The following NEGR1 variants were observed in gnomAD, a reference collection of about 807,000 sequenced individuals.
NEGR1 encodes the protein neuronal growth regulator 1.
Under a neutral mutation model 40.9 loss-of-function variants are expected in NEGR1, and 10 were observed. The observed-to-expected ratio is 0.24, with a 90% CI of 0.15 to 0.42. The LOEUF (loss-of-function observed/expected upper bound fraction) is 0.42, where lower values mean the gene tolerates loss of function less well. Ranked by LOEUF, NEGR1 falls within the 10% of genes least tolerant of loss-of-function variation. NEGR1 has a pLI of 1.00. For missense variants in NEGR1, 352 were observed against 438.9 expected (o/e 0.80, Z 1.77); for synonymous variants, 185 against 166.8 (o/e 1.11, Z -0.84).
At chr1:72,163,862 A>G (rs1487378471) in intron 1 of NEGR1, among the ~76,000 whole-genome samples, 1 of 152,048 alleles carries the variant, frequency 6.6e-6, no homozygotes, top group Non-Finnish European at 1.5e-5. Flanking sequence ...ACTGAAAATA[A>G]TTATAAAATA....
At chr1:72,095,997 A>C (rs1393135855) in intron 1 of NEGR1, among the ~76,000 whole-genome samples, 5 of 152,158 alleles carry the variant, frequency 3.3e-5, no homozygotes, top group African/African-American at 1.2e-4. Context: ...CTTTGATCCA[A>C]AGGGTATGAT....
At chr1:71,817,577 G>A (rs528532677) in intron 2 of NEGR1, among the ~76,000 whole-genome samples, 60 of 152,108 alleles carry the variant, frequency 3.9e-4, no homozygotes, top group African/African-American at 1.3e-3. Context: ...GCTGGAAGAT[G>A]GCGTTTAGTT....
intron 6 of NEGR1, among the ~76,000 whole-genome samples, chr1:71,523,182 T>C (rs1207036172): frequency 2.0e-5 from 3 of 151,746 alleles, no homozygotes; most frequent in African/African-American, 7.3e-5. Context: ...GGTTGTTGGG[T>C]TGTTGTGAGG....
At chr1:72,135,757 T>A (rs931641536) in intron 1 of NEGR1, among the ~76,000 whole-genome samples, 1 of 152,208 alleles carries the variant, frequency 6.6e-6, no homozygotes, top group African/African-American at 2.4e-5. Context: ...TCCAGGAATT[T>A]CAGGCAACTA....
At chr1:72,269,029 T>C (rs1428846360) in intron 1 of NEGR1, among the ~76,000 whole-genome samples, 1 of 151,564 alleles carries the variant, frequency 6.6e-6, no homozygotes, top group Non-Finnish European at 1.5e-5. Context: ...GACGGATATA[T>C]AAGCACATTT....
chr1:71,644,233 T>G (rs1211435493), intron 4 of NEGR1, among the ~76,000 whole-genome samples: 1 of 151,958 alleles, frequency 6.6e-6, no homozygotes, highest in Admixed American at 6.6e-5. Context: ...GTTTTAGCAC[T>G]AGTTTTTCCC....
intron 1 of NEGR1, among the ~76,000 whole-genome samples, chr1:71,978,774 C>T (rs533346718): frequency 6.6e-6 from 1 of 151,982 alleles, no homozygotes; most frequent in Non-Finnish European, 1.5e-5. Context: ...ATTAGTTCAA[C>T]CTTTGTGGAA....
intron 6 of NEGR1, among the ~76,000 whole-genome samples, chr1:71,435,417 G>T (rs933858470): frequency 1.3e-5 from 2 of 152,066 alleles, no homozygotes; most frequent in African/African-American, 4.8e-5. Context: ...AGAGAAACAG[G>T]TTCTGCCAAC....
chr1:71,607,889 A>C (rs1650120881), intron 5 of NEGR1, among the ~76,000 whole-genome samples: 1 of 152,050 alleles, frequency 6.6e-6, no homozygotes. Context: ...GGGTTTCACC[A>C]TGTTGGCCAG....
chr1:71,783,157 T>G (rs1474231757), intron 2 of NEGR1, among the ~76,000 whole-genome samples: 1 of 152,148 alleles, frequency 6.6e-6, no homozygotes, highest in Admixed American at 6.6e-5. Context: ...ACTGCTTGAG[T>G]CAACAAGCTA....
chr1:71,915,495 AT>A (rs902211516), intron 2 of NEGR1, among the ~76,000 whole-genome samples: 12 of 152,084 alleles, frequency 7.9e-5, no homozygotes, highest in Admixed American at 7.9e-4. Context: ...TTTATTATAT[AT>A]AATAATAATA....
At chr1:71,779,006 A>C (rs2101721402) in intron 2 of NEGR1, among the ~76,000 whole-genome samples, 1 of 152,158 alleles carries the variant, frequency 6.6e-6, no homozygotes, top group East Asian at 1.9e-4. Flanking sequence ...ATTCTCAGTG[A>C]TTGCAATTGC....
At chr1:71,964,516 A>G (rs1048113922) in intron 1 of NEGR1, among the ~76,000 whole-genome samples, 4 of 152,130 alleles carry the variant, frequency 2.6e-5, no homozygotes, top group African/African-American at 9.7e-5. Flanking sequence ...ACATGAATGA[A>G]GAGGCCTCCA....
chr1:72,280,279 A>G (rs34579341), intron 1 of NEGR1, among the ~76,000 whole-genome samples: 20,465 of 152,220 alleles, frequency 0.13, 1,628 homozygotes, highest in Non-Finnish European at 0.18. Context: ...AGCTATCTTC[A>G]CTAACCATAG....
intron 2 of NEGR1, among the ~76,000 whole-genome samples, chr1:71,839,917 G>T (rs926504560): frequency 2.6e-5 from 4 of 152,088 alleles, no homozygotes; most frequent in African/African-American, 4.8e-5. Flanking sequence ...TACAAAATAA[G>T]TCCTCTATTT....
intron 2 of NEGR1, among the ~76,000 whole-genome samples, chr1:71,886,880 G>C (rs1194460960): frequency 6.6e-6 from 1 of 152,082 alleles, no homozygotes; most frequent in African/African-American, 2.4e-5. Context: ...GTATTGACTA[G>C]TGCTAAGAAC....
chr1:72,033,427 C>T (rs1390099024), intron 1 of NEGR1, among the ~76,000 whole-genome samples: 1 of 152,114 alleles, frequency 6.6e-6, no homozygotes, highest in Non-Finnish European at 1.5e-5. Flanking sequence ...TTTTAAAGCA[C>T]TGTCAAAAAG....
intron 1 of NEGR1, among the ~76,000 whole-genome samples, chr1:72,099,766 A>C (rs1557526146): frequency 6.6e-6 from 1 of 151,964 alleles, no homozygotes; most frequent in Admixed American, 6.6e-5. Context: ...TTTTATTTTA[A>C]ACATGTTCTA....
At chr1:71,877,393 G>T (rs148023926) in intron 2 of NEGR1, among the ~76,000 whole-genome samples, 2 of 152,046 alleles carry the variant, frequency 1.3e-5, no homozygotes, top group Admixed American at 6.6e-5. Context: ...AGATCAAGGC[G>T]TGGGCAGGTT....
Sources: gnomAD v4.1 joint callset for allele counts (sites outside exome capture counted in the v4.1 genomes callset) on GRCh38, gnomAD v4.1.1 for gene constraint, MANE v1.5 for transcripts, NCBI Gene and HGNC (gene_info 2026-07-23, HGNC 2026-07-21) for gene names.